The following KDM4C variants were observed in gnomAD, a reference collection of about 807,000 sequenced individuals.
The protein encoded by KDM4C is lysine demethylase 4C, also known as lysine-specific demethylase 4C.
Under a neutral mutation model 129.3 loss-of-function variants are expected in KDM4C, and 81 were observed. That is an observed-to-expected ratio of 0.63 (90% CI 0.52 to 0.75). The LOEUF (loss-of-function observed/expected upper bound fraction) is 0.75, where lower values mean the gene tolerates loss of function less well. Ranked by LOEUF, KDM4C falls within the 30% of genes least tolerant of loss-of-function variation. The pLI, the probability that KDM4C is intolerant of heterozygous loss-of-function variation, is 0.00. For missense variants in KDM4C, 1,457 were observed against 1,304.0 expected, an observed-to-expected ratio of 1.12 and a Z score of -1.81; for synonymous variants, 573 against 456.1, an observed-to-expected ratio of 1.26 and a Z score of -3.26.
chr9:7,062,245 G>C (rs1370458630), intron 17 of KDM4C, among the ~76,000 whole-genome samples: 3 of 152,142 alleles, frequency 2.0e-5, no homozygotes, highest in Non-Finnish European at 4.4e-5. Flanking sequence ...TGGGATTACA[G>C]GTGTGAACCA....
At position 7,135,855 on chromosome 9, in the gene KDM4C, C is replaced by T. The variant is rs549818203; in HGVS notation, c.2781+7619C>T. On this transcript the variant is annotated intron_variant, in intron 19 of 21. Coordinates refer to ENST00000381309, the MANE Select transcript of KDM4C (RefSeq NM_015061.6). The stretch of plus-strand genomic sequence containing the variant: ...AAGTGGCCAAGACAGTGGCAGACAT[C>T]TCTCATCAGTGAGCCCATCTCAGCT... 1.2e-4 allele frequency among the ~76,000 whole-genome samples: 18 copies of T among 152,324 alleles called. No individual in the cohort carries two copies. In the South Asian group the frequency reaches 3.7e-3, roughly 32 times the overall value.
intron 20 of KDM4C, among the ~76,000 whole-genome samples, chr9:7,166,896 C>T (rs1844446442): frequency 6.6e-6 from 1 of 152,128 alleles, no homozygotes; most frequent in Admixed American, 6.5e-5. Flanking sequence ...CTCTCAAGCA[C>T]AAGTAGTTTA....
At chr9:7,039,407 A>G (rs972834664) in intron 15 of KDM4C, among the ~76,000 whole-genome samples, 6 of 151,928 alleles carry the variant, frequency 3.9e-5, no homozygotes, top group African/African-American at 1.4e-4. Context: ...TGTATGGTTG[A>G]TTTCTAAAAA....
At chr9:7,103,984 T>C in intron 18 of KDM4C, 114 bp downstream of exon 18, 1 of 947,198 alleles carries the variant, frequency 1.1e-6, no homozygotes, top group African/African-American at 1.6e-5. Context: ...ATTGTTGACA[T>C]GTCTAGACCG....
intron 17 of KDM4C, among the ~76,000 whole-genome samples, chr9:7,068,623 G>A (rs1832756084): frequency 6.8e-6 from 1 of 147,242 alleles, no homozygotes; most frequent in Admixed American, 6.7e-5. Context: ...TGGCTACCTG[G>A]TTTTGGTTTC....
intron 4 of KDM4C, among the ~76,000 whole-genome samples, chr9:6,829,368 G>A (rs1834413174): frequency 6.6e-6 from 1 of 152,152 alleles, no homozygotes; most frequent in Admixed American, 6.5e-5. Context: ...GATTTCTGTG[G>A]GAAAGTATTA....
intron 1 of KDM4C, among the ~76,000 whole-genome samples, chr9:6,728,538 C>T (rs1461923756): frequency 6.7e-6 from 1 of 149,784 alleles, no homozygotes; most frequent in African/African-American, 2.5e-5. Context: ...TCTGAAAAAA[C>T]AAACAAACAA....
intron 2 of KDM4C, among the ~76,000 whole-genome samples, chr9:6,804,153 T>C (rs1829533090): frequency 6.6e-6 from 1 of 152,204 alleles, no homozygotes; most frequent in African/African-American, 2.4e-5. Context: ...CCTATCAATA[T>C]GTATTTTTGG....
chr9:6,807,940 T>TG (rs560792621), intron 3 of KDM4C, among the ~76,000 whole-genome samples: 14 of 56,308 alleles, frequency 2.5e-4, no homozygotes, highest in South Asian at 1.3e-3. Flanking sequence ...GGGAGGGAGG[T>TG]GGGGGGGTCA....
chr9:6,864,030 AC>A (rs1841477726), intron 5 of KDM4C, among the ~76,000 whole-genome samples: 1 of 152,152 alleles, frequency 6.6e-6, no homozygotes, highest in Non-Finnish European at 1.5e-5. Context: ...CCATATCAAT[AC>A]CACTATTACA....
At chr9:6,781,789 G>T (rs1190427748) in intron 1 of KDM4C, among the ~76,000 whole-genome samples, 1 of 151,714 alleles carries the variant, frequency 6.6e-6, no homozygotes, top group Non-Finnish European at 1.5e-5. Context: ...TACAAATGGT[G>T]ATACAAATAC....
At chr9:7,089,809 A>G (rs940901648) in intron 17 of KDM4C, among the ~76,000 whole-genome samples, 3 of 152,318 alleles carry the variant, frequency 2.0e-5, no homozygotes, top group Middle Eastern at 3.4e-3. Context: ...ACCTTGCCAT[A>G]TTTTGCTGGC....
At chr9:6,833,736 A>G (rs1374018860) in intron 4 of KDM4C, among the ~76,000 whole-genome samples, 2 of 152,194 alleles carry the variant, frequency 1.3e-5, no homozygotes, top group African/African-American at 4.8e-5. Flanking sequence ...TGGCAGTACT[A>G]AAGCAAAGCA....
At chr9:6,956,434 C>T (rs1003221039) in intron 8 of KDM4C, among the ~76,000 whole-genome samples, 1 of 152,118 alleles carries the variant, frequency 6.6e-6, no homozygotes, top group Non-Finnish European at 1.5e-5. Context: ...TGGGTGCGGA[C>T]GAAGGCTATC....
intron 15 of KDM4C, among the ~76,000 whole-genome samples, chr9:7,033,250 A>C (rs567695087): frequency 2.6e-5 from 4 of 152,020 alleles, no homozygotes; most frequent in Non-Finnish European, 4.4e-5. Flanking sequence ...AAACTAGTGG[A>C]AAAAGAAAGG....
At chr9:6,945,575 G>T (rs559512763) in intron 8 of KDM4C, among the ~76,000 whole-genome samples, 96 of 152,092 alleles carry the variant, frequency 6.3e-4, no homozygotes, top group South Asian at 3.5e-3. Flanking sequence ...TAAAGATGGG[G>T]CTACTAAATT....
At chr9:6,784,615 T>A (rs2130796318) in intron 1 of KDM4C, among the ~76,000 whole-genome samples, 1 of 152,340 alleles carries the variant, frequency 6.6e-6, no homozygotes, top group East Asian at 1.9e-4. Flanking sequence ...CAGAACTATC[T>A]CCTTGAGTCT....
rs148044997 is a variant in KDM4C at position 6,737,113 on chromosome 9, A to G, written c.49+16116A>G. Among the ~76,000 whole-genome samples, 1,395 of 151,898 alleles carry G rather than the reference A, an allele frequency of 9.2e-3. 21 individuals are homozygous for G. Among genetic ancestry groups the G allele is most frequent in the African/African-American group, 0.032 (1,326 of 41,396 alleles). On this transcript the variant is annotated intron_variant, in intron 1 of 17. Transcript: ENST00000536108. ...ACTGGACTAGCCTGGGCAGCATAGCAAGATCTTGTCTCTATTTTCAAAAAA... is the reference window on the plus strand; with the variant it reads ...ACTGGACTAGCCTGGGCAGCATAGCGAGATCTTGTCTCTATTTTCAAAAAA...
chr9:6,929,381 C>T (rs1480380099), intron 8 of KDM4C, among the ~76,000 whole-genome samples: 1 of 151,730 alleles, frequency 6.6e-6, no homozygotes, highest in Non-Finnish European at 1.5e-5. Flanking sequence ...TGTGTTTATT[C>T]TTCCATTTCC....
Sources: allele counts gnomAD v4.1 joint callset (sites outside exome capture counted in the v4.1 genomes callset), GRCh38; gene constraint gnomAD v4.1.1; transcripts MANE v1.5; gene names NCBI Gene and HGNC (gene_info 2026-07-23, HGNC 2026-07-21).